Variants in ARHGEF18 observed in about 807,000 individuals in gnomAD.
The protein encoded by ARHGEF18 is rho guanine nucleotide exchange factor 18.
Under a neutral mutation model 155.7 loss-of-function variants are expected in ARHGEF18, and 93 were observed. The ratio of observed to expected loss-of-function variants is 0.60; its 90% CI spans 0.50 to 0.71. The LOEUF (loss-of-function observed/expected upper bound fraction) is 0.71, where lower values mean the gene tolerates loss of function less well. ARHGEF18 is among the 30% of genes least tolerant of loss of function. The probability of loss-of-function intolerance (pLI) is 0.00; values close to 1 mark genes in which losing one functional copy is unlikely to be tolerated. For synonymous variants in ARHGEF18, 742 were observed against 753.1 expected, an observed-to-expected ratio of 0.99 and a Z score of 0.24; for missense variants, 1,593 against 1,816.1, an observed-to-expected ratio of 0.88 and a Z score of 2.23.
chr19:7,433,912 G>A (rs1568330188), intron 10 of ARHGEF18, among the ~76,000 whole-genome samples: 3 of 151,392 alleles, frequency 2.0e-5, no homozygotes, highest in Admixed American at 6.6e-5. Context: ...CCAGCTACTC[G>A]AGGGGCTGAG....
intron 8 of ARHGEF18, among the ~76,000 whole-genome samples, chr19:7,381,619 A>G (rs1267721551): frequency 6.6e-6 from 1 of 152,116 alleles, no homozygotes. Context: ...CGGAGGTTGC[A>G]GTGAGCCAAG....
chr19:7,351,440 C>T (rs1484692702), intron 1 of ARHGEF18, among the ~76,000 whole-genome samples: 1 of 151,856 alleles, frequency 6.6e-6, no homozygotes, highest in African/African-American at 2.4e-5. Flanking sequence ...TCTCCTGCCT[C>T]AGCCTCCCAA....
chr19:7,383,781 G>C (rs78719314), intron 10 of ARHGEF18, among the ~76,000 whole-genome samples: 1 of 144,606 alleles, frequency 6.9e-6, no homozygotes, highest in African/African-American at 2.5e-5. Flanking sequence ...AAATAAGGTC[G>C]CATCCTAAAG....
At chr19:7,375,415 GGAAGGAAGA>G (rs1970412423) in intron 3 of ARHGEF18, among the ~76,000 whole-genome samples, 1 of 151,390 alleles carries the variant, frequency 6.6e-6, no homozygotes, top group Non-Finnish European at 1.5e-5. Flanking sequence ...AGGAAGAAAA[GGAAGGAAGA>G]AAGGAAGGAA....
At position 7,444,158 on chromosome 19, in the gene ARHGEF18, G is replaced by T; in HGVS notation, c.1361-46G>T. 6.3e-7 allele frequency: 1 copy of T among 1,598,146 alleles called. No individual in the cohort carries two copies. The highest frequency in any genetic ancestry group is 8.5e-7 in the Non-Finnish European group (1 of 1,169,738). On this transcript the variant is annotated intron_variant, in intron 13 of 28. Coordinates refer to ENST00000668164, the MANE Select transcript of ARHGEF18 (RefSeq NM_001367823.1). The surrounding 1 kb of genome is among the most constrained non-coding windows in gnomAD (Gnocchi z 4.7). ...GCAGCACCCACGACTGCCCAGCGGG[G>T]CCGTGGAGCCAGCATGGCTAAGTCC...
Position 7,440,569 on chromosome 19 carries a change from C to T in ARHGEF18, c.1106+87C>T. ...CAGCCTCTTCGGAGGGAGACCCCGA[C>T]TTAGATCTGTGTGAATCCACACGGC... On this transcript the variant is annotated intron_variant, in intron 11 of 28. Coordinates refer to ENST00000668164, the MANE Select transcript of ARHGEF18 (RefSeq NM_001367823.1). This position sits in a 1 kb window ranked among gnomAD's most constrained non-coding sequence, Gnocchi z 5.4. The T allele has an allele frequency of 6.9e-7, 1 of 1,448,064 alleles. No individual in the cohort carries two copies. The highest frequency in any genetic ancestry group is 1.3e-5 in the South Asian group (1 of 76,416). 89.7% of individuals were successfully genotyped at this position (1,448,064 alleles called of 1,614,324 possible). A position where few individuals can be genotyped will look rare whatever the true frequency, so the allele number is the denominator to read the frequency against.
At chr19:7,428,874 T>A (rs1181296222) in intron 10 of ARHGEF18, among the ~76,000 whole-genome samples, 6 of 152,188 alleles carry the variant, frequency 3.9e-5, no homozygotes, top group Admixed American at 3.9e-4. Context: ...CGTGCCGCAA[T>A]GGGCTGAGCA....
At chr19:7,438,800 G>A (rs1334163669) in intron 10 of ARHGEF18, among the ~76,000 whole-genome samples, 1 of 152,158 alleles carries the variant, frequency 6.6e-6, no homozygotes, top group African/African-American at 2.4e-5. Context: ...AACTAGCCAA[G>A]TAGCCCATCT....
chr19:7,407,834 C>A (rs186636770), intron 10 of ARHGEF18, among the ~76,000 whole-genome samples: 1 of 151,898 alleles, frequency 6.6e-6, no homozygotes, highest in Non-Finnish European at 1.5e-5. Flanking sequence ...GTGGTGGCCG[C>A]GCCTGGAGTC....
intron 10 of ARHGEF18, among the ~76,000 whole-genome samples, chr19:7,402,046 T>C (rs1255275196): frequency 3.3e-5 from 5 of 152,120 alleles, no homozygotes; most frequent in African/African-American, 1.2e-4. Context: ...GGATTAGTGG[T>C]TGCCACAGGC....
At chr19:7,367,977 A>AAGAG (rs537429456) in intron 2 of ARHGEF18, among the ~76,000 whole-genome samples, 2,540 of 66,694 alleles carry the variant, frequency 0.038, 85 homozygotes, top group East Asian at 0.064. Flanking sequence ...AAAGGAAAGA[A>AAGAG]AGAGAGAGAG....
intron 7 of ARHGEF18, 127 bp downstream of exon 7, chr19:7,379,293 T>A: frequency 2.8e-6 from 2 of 711,226 alleles, no homozygotes; most frequent in Non-Finnish European, 3.7e-6. Flanking sequence ...GTACAGTGGC[T>A]CACGCCTGTA....
intron 10 of ARHGEF18, among the ~76,000 whole-genome samples, chr19:7,424,538 T>C (rs1973544018): frequency 6.6e-6 from 1 of 152,180 alleles, no homozygotes; most frequent in South Asian, 2.1e-4. Context: ...ACAAAGTCTA[T>C]AGCAACGTGA....
At chr19:7,466,818 A>T (rs1976640426) in intron 23 of ARHGEF18, 100 bp from the exon 24 acceptor site, 2 of 1,098,250 alleles carry the variant, frequency 1.8e-6, no homozygotes, top group African/African-American at 1.8e-5. Flanking sequence ...AAAAAAAAAA[A>T]AAAAAAAAGT....
downstream of ARHGEF18, chr19:7,477,391 C>T (rs1977270780): frequency 6.5e-7 from 1 of 1,541,230 alleles, no homozygotes; most frequent in Non-Finnish European, 8.7e-7. Context: ...GCGCCTCCGA[C>T]TGCATCTGCG....
At position 7,467,326 on chromosome 19, in the gene ARHGEF18, A is replaced by G. The variant is rs2145910683; in HGVS notation, c.3122A>G (p.Glu1041Gly). Reference sequence around the variant, plus strand: ...CGTGGGAACCTGCTGCTGGAGCAGGAGCGGCAACGCAACTTCGAGAAGCAG... The same window carrying G: ...CGTGGGAACCTGCTGCTGGAGCAGGGGCGGCAACGCAACTTCGAGAAGCAG... ...STRGNLLLEQ[E>G]RQRNFEKQRE... The change falls in exon 26 of 29, where the codon GAG becomes GGG. Residue 1041 changes from glutamate to glycine, a missense_variant. Transcript: ENST00000668164. The G allele has an allele frequency of 6.5e-7, 1 of 1,538,838 alleles. No homozygotes were observed. The highest frequency in any genetic ancestry group is 8.7e-7 in the Non-Finnish European group (1 of 1,147,060).
At chr19:7,386,871 T>G (rs960133391) in intron 10 of ARHGEF18, among the ~76,000 whole-genome samples, 11 of 152,052 alleles carry the variant, frequency 7.2e-5, no homozygotes, top group Non-Finnish European at 1.3e-4. Context: ...TTCCCATTGC[T>G]GCTTCGGATC....
intron 10 of ARHGEF18, among the ~76,000 whole-genome samples, chr19:7,438,837 A>G (rs1974439659): frequency 1.3e-5 from 2 of 152,052 alleles, no homozygotes; most frequent in South Asian, 4.2e-4. Context: ...ATAGGAGGGG[A>G]AAACTGAACC....
intron 1 of ARHGEF18, among the ~76,000 whole-genome samples, chr19:7,357,544 G>A (rs1300500490): frequency 1.3e-5 from 2 of 152,128 alleles, no homozygotes; most frequent in South Asian, 2.1e-4. Flanking sequence ...GCATGGGGGT[G>A]GGGAGCAGGG....
Sources: gnomAD v4.1 joint callset for allele counts (sites outside exome capture counted in the v4.1 genomes callset) on GRCh38, gnomAD v4.1.1 for gene constraint, Gnocchi (gnomAD v3.1) non-coding constraint, MANE v1.5 for transcripts, NCBI Gene and HGNC (gene_info 2026-07-23, HGNC 2026-07-21) for gene names.